CCDC170: variants seen among roughly 807,000 people sequenced by gnomAD.
CCDC170 encodes coiled-coil domain-containing protein 170.
Under a neutral mutation model 72.6 loss-of-function variants are expected in CCDC170, and 69 were observed. That is an observed-to-expected ratio of 0.95 (90% CI 0.78 to 1.16). The LOEUF is 1.16. Among genes scored for constraint, CCDC170 ranks in the 50% most tolerant of loss-of-function variants. The pLI, the probability that CCDC170 is intolerant of heterozygous loss-of-function variation, is 0.00. For missense variants in CCDC170, 852 were observed against 832.5 expected (o/e 1.02, Z -0.29); for synonymous variants, 300 against 303.9 (o/e 0.99, Z 0.13).
chr6:151,510,760 G>C (rs1396409503), intron 1 of CCDC170, among the ~76,000 whole-genome samples: 2 of 150,100 alleles, frequency 1.3e-5, no homozygotes, highest in African/African-American at 4.9e-5. Context: ...TTTTTTTATA[G>C]AGTCTCGCTT....
intron 1 of CCDC170, among the ~76,000 whole-genome samples, chr6:151,525,027 G>C (rs1011256476): frequency 3.4e-5 from 5 of 145,130 alleles, no homozygotes; most frequent in African/African-American, 1.0e-4. Flanking sequence ...CCGCCTCCCA[G>C]GTTCACGCCA....
Position 151,617,955 on chromosome 6 carries a change from C to T in CCDC170, c.1956C>T (p.Asp652=). 6.2e-7 allele frequency: 1 copy of T among 1,613,278 alleles called. No individual in the cohort carries two copies. The highest frequency in any genetic ancestry group is 1.3e-5 in the African/African-American group (1 of 75,024). ...TCTGTTTGATATTGCAGCTGGCAGACTTCAGGGAGGTGGTGTCGCAGATGC... is the reference window on the plus strand; with the variant it reads ...TCTGTTTGATATTGCAGCTGGCAGATTTCAGGGAGGTGGTGTCGCAGATGC... ...EAEKREKQLA[D]FREVVSQMLG... The change falls in exon 11 of 11, where the codon GAC becomes GAT. Residue 652 remains aspartate (D), a synonymous_variant. Coordinates refer to ENST00000239374, the MANE Select transcript of CCDC170 (RefSeq NM_025059.4).
chr6:151,613,667 G>A (rs1776911616), intron 9 of CCDC170, among the ~76,000 whole-genome samples: 1 of 152,170 alleles, frequency 6.6e-6, no homozygotes, highest in Non-Finnish European at 1.5e-5. Context: ...GCATGTCCCA[G>A]TACTCTATTC....
intron 1 of CCDC170, among the ~76,000 whole-genome samples, chr6:151,522,605 A>G (rs1782339094): frequency 6.6e-6 from 1 of 152,190 alleles, no homozygotes; most frequent in East Asian, 1.9e-4. Flanking sequence ...AGAACAACAC[A>G]GCAGCAGGGG....
intron 9 of CCDC170, among the ~76,000 whole-genome samples, chr6:151,597,576 C>T (rs1300620064): frequency 6.6e-6 from 1 of 152,196 alleles, no homozygotes; most frequent in East Asian, 1.9e-4. Context: ...TGAAAAGAGT[C>T]AGGCAGGCAA....
chr6:151,606,048 C>T (rs771009547), intron 9 of CCDC170, among the ~76,000 whole-genome samples: 1 of 151,886 alleles, frequency 6.6e-6, no homozygotes, highest in Non-Finnish European at 1.5e-5. Context: ...ATTACAGGTA[C>T]GTGCCATTAC....
chr6:151,533,615 C>T (rs572350546), intron 1 of CCDC170, among the ~76,000 whole-genome samples: 13 of 150,962 alleles, frequency 8.6e-5, no homozygotes, highest in Admixed American at 7.9e-4. Context: ...TGCAGTGAGC[C>T]GAGATTGTGC....
At chr6:151,574,402 G>A (rs1272995070) in intron 6 of CCDC170, among the ~76,000 whole-genome samples, 3 of 152,052 alleles carry the variant, frequency 2.0e-5, no homozygotes, top group Non-Finnish European at 4.4e-5. Context: ...TTACGGCCTC[G>A]GAGATTTTGT....
intron 1 of CCDC170, among the ~76,000 whole-genome samples, chr6:151,524,929 CTT>C (rs34288029): frequency 7.3e-5 from 8 of 110,002 alleles, no homozygotes; most frequent in East Asian, 6.0e-4. Context: ...TAGTCTGATT[CTT>C]TTTTTTTTTT....
chr6:151,536,151 G>C, intron 1 of CCDC170, 167 bp from the exon 2 acceptor site: 1 of 709,690 alleles, frequency 1.4e-6, no homozygotes, highest in Non-Finnish European at 2.3e-6. Flanking sequence ...TTTGAACTTT[G>C]AGAATGAGAA....
chr6:151,499,582 C>T (rs868263288), intron 1 of CCDC170, among the ~76,000 whole-genome samples: 17 of 102,558 alleles, frequency 1.7e-4, no homozygotes, highest in Admixed American at 3.6e-4. Flanking sequence ...ATTCTAGGCA[C>T]GCTGTATAAG....
chr6:151,530,651 A>T (rs1030131668), intron 1 of CCDC170, among the ~76,000 whole-genome samples: 1 of 152,060 alleles, frequency 6.6e-6, no homozygotes, highest in Admixed American at 6.6e-5. Context: ...CATGTTGGTC[A>T]GGCTGGTCTT....
intron 7 of CCDC170, among the ~76,000 whole-genome samples, chr6:151,590,664 A>G (rs551486989): frequency 1.9e-4 from 29 of 152,360 alleles, no homozygotes; most frequent in African/African-American, 5.8e-4. Context: ...CTTCATTTCT[A>G]TGAAGTTAAA....
intron 7 of CCDC170, among the ~76,000 whole-genome samples, chr6:151,589,818 C>T (rs1286193949): frequency 6.6e-6 from 1 of 152,208 alleles, no homozygotes; most frequent in Non-Finnish European, 1.5e-5. Flanking sequence ...GCCCCACGTT[C>T]TGTGAGCTGG....
rs953767 is a variant in CCDC170 at position 151,573,370 on chromosome 6, T to C, written c.971T>C (p.Phe324Ser). The change falls in exon 6 of 11, where the codon TTC becomes TCC. Residue 324 changes from phenylalanine to serine, a missense_variant. Physicochemically the swap from Phe to Ser is radical, Grantham distance 155 (BLOSUM62 -2). Coordinates refer to ENST00000239374, the MANE Select transcript of CCDC170 (RefSeq NM_025059.4). ...GTCACAACCTCACAAAGCCAGTACT[T>C]CTCATTTAGGGAGAAAATCGCAGCC... Reference protein sequence around the residue: ...DAVTTSQSQYFSFREKIAALL... With the variant: ...DAVTTSQSQYSSFREKIAALL... 0.9 allele frequency: 1,445,649 copies of C among 1,614,024 alleles called. 648,295 individuals carry two copies. Among genetic ancestry groups the C allele is most frequent in the East Asian group, 1 (44,675 of 44,840 alleles).
At chr6:151,599,372 T>C (rs1200071720) in intron 9 of CCDC170, among the ~76,000 whole-genome samples, 3 of 152,184 alleles carry the variant, frequency 2.0e-5, no homozygotes, top group Non-Finnish European at 4.4e-5. Flanking sequence ...AGTGCTGTCA[T>C]GGTATTTGGT....
At chr6:151,561,131 G>T (rs1238873600) in intron 5 of CCDC170, among the ~76,000 whole-genome samples, 1 of 151,914 alleles carries the variant, frequency 6.6e-6, no homozygotes, top group African/African-American at 2.4e-5. Flanking sequence ...GAGATATTTT[G>T]ATACAGCCAT....
intron 7 of CCDC170, among the ~76,000 whole-genome samples, chr6:151,589,274 A>ACAAT (rs1776498971): frequency 1.3e-5 from 2 of 151,788 alleles, no homozygotes; most frequent in Admixed American, 1.3e-4. Flanking sequence ...AAACAAACAA[A>ACAAT]CAAACACAAT....
chr6:151,532,257 G>T (rs1782500766), intron 1 of CCDC170, among the ~76,000 whole-genome samples: 1 of 152,146 alleles, frequency 6.6e-6, no homozygotes, highest in Non-Finnish European at 1.5e-5. Flanking sequence ...ATGACAAAAA[G>T]ATAATATTTT....
Sources: allele counts gnomAD v4.1 joint callset (sites outside exome capture counted in the v4.1 genomes callset), GRCh38; gene constraint gnomAD v4.1.1; transcripts MANE v1.5; gene names NCBI Gene and HGNC (gene_info 2026-07-23, HGNC 2026-07-21).